GRIK1: variants seen among roughly 807,000 people sequenced by gnomAD.
GRIK1 encodes the protein glutamate receptor ionotropic, kainate 1.
A neutral mutation model predicts 105.7 loss-of-function variants in GRIK1; 69 were observed. The observed-to-expected ratio is 0.65, with a 90% CI of 0.54 to 0.80. GRIK1 has a LOEUF of 0.80. GRIK1 is among the 30% of genes least tolerant of loss of function. The pLI is 0.00. For missense variants in GRIK1, 1,109 were observed against 1,167.3 expected (o/e 0.95, Z 0.73); for synonymous variants, 438 against 431.3 (o/e 1.02, Z -0.19).
chr21:29,813,365 A>G (rs1459607629), intron 1 of GRIK1, among the ~76,000 whole-genome samples: 1 of 152,154 alleles, frequency 6.6e-6, no homozygotes, highest in African/African-American at 2.4e-5. Flanking sequence ...TTTTTGTACT[A>G]TCAAAACCTA....
Position 29,614,167 on chromosome 21 carries a change from G to A in GRIK1, c.1099-15230C>T, listed in dbSNP as rs1042690860. Reference sequence around the variant, plus strand: ...CCTGGCACAACCATAGCAATCCAAAGCTCATACATTAATATGGATCTGAAG... The same window carrying A: ...CCTGGCACAACCATAGCAATCCAAAACTCATACATTAATATGGATCTGAAG... On this transcript the variant is annotated intron_variant, in intron 7 of 17. Coordinates refer to ENST00000327783, the MANE Select transcript of GRIK1 (RefSeq NM_001330994.2). 7.9e-5 allele frequency among the ~76,000 whole-genome samples: 12 copies of A among 152,148 alleles called. 1 individual carries two copies. The highest frequency in any genetic ancestry group is 1.6e-4 in the Non-Finnish European group (11 of 67,990).
At chr21:29,658,306 A>C (rs2062894241) in intron 4 of GRIK1, among the ~76,000 whole-genome samples, 1 of 152,082 alleles carries the variant, frequency 6.6e-6, no homozygotes, top group South Asian at 2.1e-4. Context: ...CTGTCGCCCC[A>C]GGCTATAGCG....
chr21:29,892,629 A>G (rs183107329), intron 1 of GRIK1, among the ~76,000 whole-genome samples: 8 of 152,328 alleles, frequency 5.3e-5, no homozygotes, highest in Middle Eastern at 3.4e-3. Flanking sequence ...GACCGACCCA[A>G]GATGAAGAAA....
rs557443624 is a variant in GRIK1, at chr21:29,634,567, G to A, written c.1098+8259C>T. ...TAAAATGCCTGCCGTGTACAGGCAC[G>A]GTGCTCTGAGGACACAAAGATAAAT... On this transcript the variant is annotated intron_variant, in intron 7 of 17. Coordinates refer to ENST00000327783, the MANE Select transcript of GRIK1 (RefSeq NM_001330994.2). Among the ~76,000 whole-genome samples the A allele has an allele frequency of 3.9e-5, 6 of 152,232 alleles. No homozygotes were observed. The East Asian group carries it at 9.6e-4, about 24-fold the overall frequency.
chr21:29,827,993 CTCTCTCTCTG>C (rs1310322501), intron 1 of GRIK1, among the ~76,000 whole-genome samples: 1 of 120,646 alleles, frequency 8.3e-6, no homozygotes, highest in South Asian at 3.2e-4. Context: ...CTCTCTCTCT[CTCTCTCTCTG>C]TCTCTCTCTG....
Position 29,934,565 on chromosome 21 carries a change from C to A in GRIK1, c.118+4818G>T, listed in dbSNP as rs568228337. ...TCTTGCTTTTAGTTATTCCAGGTAA[C>A]TAAATTACTGAAAGTAAGTGTTATT... On this transcript the variant is annotated intron_variant, in intron 1 of 17. Transcript: ENST00000327783. 1.3e-3 allele frequency among the ~76,000 whole-genome samples: 193 copies of A among 152,176 alleles called. 1 individual carries two copies. The highest frequency in any genetic ancestry group is 4.5e-3 in the African/African-American group (185 of 41,530).
chr21:29,678,704 C>A (rs148306434), intron 3 of GRIK1, among the ~76,000 whole-genome samples: 40 of 152,188 alleles, frequency 2.6e-4, no homozygotes, highest in African/African-American at 9.4e-4. Flanking sequence ...AATGTTCCAT[C>A]GTTGGGTTAT....
intron 12 of GRIK1, among the ~76,000 whole-genome samples, chr21:29,584,992 A>G (rs541275885): frequency 4.0e-4 from 61 of 152,310 alleles, no homozygotes; most frequent in African/African-American, 1.4e-3. Context: ...TAGAATCTTC[A>G]TGACAGTACA....
intron 16 of GRIK1, among the ~76,000 whole-genome samples, chr21:29,547,161 A>G (rs2090063003): frequency 6.6e-6 from 1 of 152,140 alleles, no homozygotes; most frequent in African/African-American, 2.4e-5. Context: ...GAACAATTCT[A>G]CTTCTGTAAA....
intron 7 of GRIK1, among the ~76,000 whole-genome samples, chr21:29,602,025 C>G (rs754183384): frequency 2.6e-5 from 4 of 152,102 alleles, no homozygotes; most frequent in Non-Finnish European, 5.9e-5. Flanking sequence ...CTAAAAATAG[C>G]GAAATATCTT....
At chr21:29,825,165 T>C (rs1301727714) in intron 1 of GRIK1, among the ~76,000 whole-genome samples, 1 of 152,092 alleles carries the variant, frequency 6.6e-6, no homozygotes, top group Non-Finnish European at 1.5e-5. Flanking sequence ...AAGGATGTTG[T>C]GTGTTTCTTG....
chr21:29,571,023 G>A (rs1417666398), intron 14 of GRIK1, among the ~76,000 whole-genome samples: 2 of 151,998 alleles, frequency 1.3e-5, no homozygotes, highest in African/African-American at 2.4e-5. Flanking sequence ...CTGCCTCCCC[G>A]TCTCAGTCAC....
At chr21:29,808,845 A>T (rs182068019) in intron 1 of GRIK1, among the ~76,000 whole-genome samples, 1 of 152,300 alleles carries the variant, frequency 6.6e-6, no homozygotes, top group East Asian at 1.9e-4. Context: ...GGGAACAAAA[A>T]TATGGCAAAG....
chr21:29,697,567 G>A (rs750483961), intron 1 of GRIK1, among the ~76,000 whole-genome samples: 11 of 152,016 alleles, frequency 7.2e-5, no homozygotes, highest in East Asian at 1.9e-4. Flanking sequence ...AGAGGGTTGC[G>A]GATAAATGCG....
At chr21:29,796,928 G>T (rs1254368811) in intron 1 of GRIK1, among the ~76,000 whole-genome samples, 1 of 151,564 alleles carries the variant, frequency 6.6e-6, no homozygotes, top group Non-Finnish European at 1.5e-5. Context: ...CAGCCTGGGT[G>T]ACAGAGGGAG....
intron 1 of GRIK1, among the ~76,000 whole-genome samples, chr21:29,874,797 T>G (rs1168182041): frequency 2.0e-5 from 3 of 152,176 alleles, no homozygotes; most frequent in African/African-American, 7.2e-5. Flanking sequence ...AAGCTCCAAA[T>G]GGAGAGAACT....
chr21:29,707,502 T>G (rs1465269967), intron 1 of GRIK1, among the ~76,000 whole-genome samples: 3 of 68,148 alleles, frequency 4.4e-5, no homozygotes, highest in African/African-American at 1.3e-4. Context: ...GTTTCCTTCT[T>G]TCTTTCTTTT....
At chr21:29,724,253 G>C (rs2064396018) in intron 1 of GRIK1, among the ~76,000 whole-genome samples, 3 of 152,188 alleles carry the variant, frequency 2.0e-5, no homozygotes, top group Admixed American at 2.0e-4. Context: ...TTTTTATGAT[G>C]TGGAAGATGA....
chr21:29,906,267 T>G (rs2070636105), intron 1 of GRIK1, among the ~76,000 whole-genome samples: 1 of 152,228 alleles, frequency 6.6e-6, no homozygotes, highest in Non-Finnish European at 1.5e-5. Flanking sequence ...AATGTAATCC[T>G]CACATGGCTA....
Sources: gnomAD v4.1 joint callset for allele counts (sites outside exome capture counted in the v4.1 genomes callset) on GRCh38, gnomAD v4.1.1 for gene constraint, MANE v1.5 for transcripts, NCBI Gene and HGNC (gene_info 2026-07-23, HGNC 2026-07-21) for gene names.